TRIM49C: variants seen among roughly 807,000 people sequenced by gnomAD.
TRIM49C encodes the protein tripartite motif containing 49C.
Under a neutral mutation model 21.4 loss-of-function variants are expected in TRIM49C, and 6 were observed. The ratio of observed to expected loss-of-function variants is 0.28; its 90% CI spans 0.15 to 0.55. TRIM49C has a LOEUF of 0.55. Among genes scored for constraint, TRIM49C ranks in the 20% least tolerant of loss-of-function variants. The pLI is 0.94. For synonymous variants in TRIM49C, 57 were observed against 148.1 expected (o/e 0.38, Z 4.47); for missense variants, 161 against 442.4 (o/e 0.36, Z 5.71).
chr11:90,055,044 G>A, the TRIM49C span, among the ~76,000 whole-genome samples: 2 of 148,738 alleles, frequency 1.3e-5, no homozygotes, highest in Non-Finnish European at 3.0e-5. Context: ...AAAAAAAGGA[G>A]TGCTGGGTTG....
chr11:90,033,458 C>A (rs1451341047), intron 2 of TRIM49C, among the ~76,000 whole-genome samples: 1 of 135,346 alleles, frequency 7.4e-6, no homozygotes, highest in Non-Finnish European at 1.6e-5. Context: ...GTTTACTGTA[C>A]CCTTTCTGTA....
chr11:90,048,512 C>T, the TRIM49C span, among the ~76,000 whole-genome samples: 1 of 122,564 alleles, frequency 8.2e-6, no homozygotes, highest in African/African-American at 3.3e-5. Flanking sequence ...TCATTTCATT[C>T]ATTTGTTCTT....
downstream of TRIM49C, among the ~76,000 whole-genome samples, chr11:90,045,143 T>A (rs1422537247): frequency 7.3e-6 from 1 of 137,724 alleles, no homozygotes; most frequent in Non-Finnish European, 1.6e-5. Flanking sequence ...ATGTCTCTGT[T>A]TCGGTACCAG....
the TRIM49C span, among the ~76,000 whole-genome samples, chr11:90,067,033 A>C: frequency 2.9e-5 from 4 of 137,456 alleles, no homozygotes; most frequent in African/African-American, 2.6e-5. Flanking sequence ...TTAGACTTCA[A>C]GTCTTTTTCA....
chr11:90,070,638 C>A, the TRIM49C span, among the ~76,000 whole-genome samples: 1 of 140,066 alleles, frequency 7.1e-6, no homozygotes, highest in Non-Finnish European at 1.5e-5. Context: ...GCCATCATTA[C>A]TTTGTCAGAA....
At chr11:90,054,994 T>C in the TRIM49C span, among the ~76,000 whole-genome samples, 2 of 149,660 alleles carry the variant, frequency 1.3e-5, 1 homozygote, top group Non-Finnish European at 3.0e-5. Context: ...CATAGAGTTC[T>C]AGCATCAACA....
chr11:90,055,951 G>A, the TRIM49C span, among the ~76,000 whole-genome samples: 1 of 127,824 alleles, frequency 7.8e-6, no homozygotes, highest in Non-Finnish European at 1.6e-5. Flanking sequence ...TCTGTCATCT[G>A]GATTCTTTTT....
chr11:90,051,841 G>C, the TRIM49C span: 4 of 388,770 alleles, frequency 1.0e-5, no homozygotes, highest in Non-Finnish European at 1.9e-5. Flanking sequence ...GGACTCTCAC[G>C]TCCTCTTCTT....
chr11:90,033,446 A>G (rs1239451902), intron 2 of TRIM49C, among the ~76,000 whole-genome samples: 1 of 135,620 alleles, frequency 7.4e-6, no homozygotes, highest in African/African-American at 2.6e-5. Flanking sequence ...TAATACCAAT[A>G]TGTTTACTGT....
At chr11:90,069,938 G>A in the TRIM49C span, among the ~76,000 whole-genome samples, 60 of 125,164 alleles carry the variant, frequency 4.8e-4, 5 homozygotes, top group African/African-American at 8.3e-4. Context: ...TATTGACCTC[G>A]ACGGCATCCT....
In TRIM49C at chr11:90,034,459, G is replaced by A. The variant is rs1474901979; in HGVS notation, c.-4-749G>A. 1.2e-4 allele frequency among the ~76,000 whole-genome samples: 14 copies of A among 119,162 alleles called. 1 individual carries two copies. Among genetic ancestry groups the A allele is most frequent in the Non-Finnish European group, 2.3e-4 (14 of 59,750 alleles). The allele number at this position is 119,162 out of a possible 152,430, so 78.2% of individuals were successfully genotyped here. The stretch of plus-strand genomic sequence containing the variant: ...TTTAACAAAAACCTCCTATATGTTA[G>A]TTCAGAGCTTGCACAGCCCTAGGGG... On this transcript the variant is annotated intron_variant, in intron 2 of 7. Transcript: ENST00000448984.
chr11:90,033,488 A>G (rs1950701263), intron 2 of TRIM49C, among the ~76,000 whole-genome samples: 1 of 133,720 alleles, frequency 7.5e-6, no homozygotes, highest in East Asian at 2.2e-4. Context: ...GTTTAGATAC[A>G]CAAATAGTTA....
chr11:90,069,731 G>A, the TRIM49C span, among the ~76,000 whole-genome samples: 6 of 112,452 alleles, frequency 5.3e-5, no homozygotes, highest in African/African-American at 1.4e-4. Flanking sequence ...CAATATGTAC[G>A]GTAATTTAAG....
chr11:90,070,051 G>C, the TRIM49C span, among the ~76,000 whole-genome samples: 4 of 122,898 alleles, frequency 3.3e-5, no homozygotes, highest in East Asian at 9.4e-4. Context: ...CAGAAGATCT[G>C]GGGGAACTGT....
chr11:90,036,775 C>A (rs534267466), intron 4 of TRIM49C, among the ~76,000 whole-genome samples: 2 of 137,722 alleles, frequency 1.5e-5, no homozygotes, highest in African/African-American at 2.6e-5. Context: ...ACAAATCATA[C>A]AATCCAAATA....
chr11:90,056,290 A>T, the TRIM49C span, among the ~76,000 whole-genome samples: 1 of 134,960 alleles, frequency 7.4e-6, no homozygotes, highest in East Asian at 2.4e-4. Context: ...GTGTAAACTA[A>T]TTTTGTTCTT....
chr11:90,037,002 ATG>A (rs1409082411), intron 4 of TRIM49C, among the ~76,000 whole-genome samples: 1 of 134,164 alleles, frequency 7.5e-6, no homozygotes, highest in Non-Finnish European at 1.6e-5. Flanking sequence ...GGGAACACAA[ATG>A]TGTGTGTGGA....
chr11:90,034,988 A>G lies in TRIM49C; in HGVS notation c.-4-220A>G, dbSNP rs553773156. ...TATTATGCTACAGACAGGAACTAGGAGTAGAAGGGACTGTGAGTCCTCTGG... is the reference window on the plus strand; with the variant it reads ...TATTATGCTACAGACAGGAACTAGGGGTAGAAGGGACTGTGAGTCCTCTGG... On this transcript the variant is annotated intron_variant, in intron 2 of 7. Coordinates refer to ENST00000448984, the MANE Select transcript of TRIM49C (RefSeq NM_001195234.1). 9.6e-5 allele frequency among the ~76,000 whole-genome samples: 13 copies of G among 136,022 alleles called. 1 individual carries two copies. In the South Asian group the frequency reaches 3.1e-3, roughly 32 times the overall value. 89.2% of individuals were successfully genotyped at this position (136,022 alleles called of 152,430 possible).
chr11:90,051,785 G>A, the TRIM49C span: 22 of 325,736 alleles, frequency 6.8e-5, 1 homozygote, highest in Non-Finnish European at 1.1e-4. Flanking sequence ...ACGGTGCCCA[G>A]CCCCGCGGCC....
Sources: gnomAD v4.1 joint callset for allele counts (sites outside exome capture counted in the v4.1 genomes callset) on GRCh38, gnomAD v4.1.1 for gene constraint, MANE v1.5 for transcripts, NCBI Gene and HGNC (gene_info 2026-07-23, HGNC 2026-07-21) for gene names.